USH2A: variants seen among roughly 807,000 people sequenced by gnomAD.
USH2A encodes the protein usherin.
A neutral mutation model predicts 538.9 loss-of-function variants in USH2A; 443 were observed. The ratio of observed to expected loss-of-function variants is 0.82; its 90% CI spans 0.76 to 0.89. USH2A has a LOEUF of 0.89. USH2A is among the 40% of genes least tolerant of loss of function. The pLI is 0.00. For synonymous variants in USH2A, 2,413 were observed against 2,273.5 expected, an observed-to-expected ratio of 1.06 and a Z score of -1.75; for missense variants, 6,633 against 6,324.8, an observed-to-expected ratio of 1.05 and a Z score of -1.65.
chr1:216,014,381 C>T (rs1668655492), intron 32 of USH2A, among the ~76,000 whole-genome samples: 1 of 152,130 alleles, frequency 6.6e-6, no homozygotes, highest in South Asian at 2.1e-4. Flanking sequence ...ACAAAGCCAC[C>T]AATTTGAAAT....
intron 70 of USH2A, among the ~76,000 whole-genome samples, chr1:215,633,849 C>T (rs576950901): frequency 6.6e-6 from 1 of 152,246 alleles, no homozygotes; most frequent in South Asian, 2.1e-4. Flanking sequence ...TCCTGTAATA[C>T]CAAGTGATGG....
chr1:215,627,421 C>CTTCCTTCCTTCCTTCTTTCCTTCCTTCT (rs1656076861), intron 71 of USH2A, among the ~76,000 whole-genome samples: 31 of 116,628 alleles, frequency 2.7e-4, no homozygotes, highest in South Asian at 3.8e-4. Context: ...TCCTTCCTTC[C>CTTCCTTCCTTCCTTCTTTCCTTCCTTCT]TTCCTTCCTT....
At position 216,327,613 on chromosome 1, in the gene USH2A, A is replaced by G; in HGVS notation, c.826T>C (p.Tyr276His). Residue 276 changes from tyrosine to histidine, a missense_variant, in exon 5 of 72, where the codon TAC (tyrosine) becomes CAC (histidine). By Grantham distance (83) the Tyr-to-His change is moderately conservative. Transcript: ENST00000307340. ...TACCTGTTTGTAAGTGCCACTTGGT[A>G]TAATCGAAAATCTTGCATTCTTCCG... ...FVGRMQDFRL[Y>H]QVALTNREIL... 6.2e-7 allele frequency: 1 copy of G among 1,613,270 alleles called. No individual in the cohort carries two copies. Among genetic ancestry groups the G allele is most frequent in the Non-Finnish European group, 8.5e-7 (1 of 1,179,502 alleles).
chr1:215,641,431 A>G (rs1235916315), intron 67 of USH2A, among the ~76,000 whole-genome samples: 1 of 152,222 alleles, frequency 6.6e-6, no homozygotes, highest in African/African-American at 2.4e-5. Flanking sequence ...TATCACATAT[A>G]GAAGCAACTT....
At chr1:215,627,461 CTTCCTTCCTTCCTTCCTTCCTTCT>C (rs1656091423) in intron 71 of USH2A, among the ~76,000 whole-genome samples, 35 of 133,244 alleles carry the variant, frequency 2.6e-4, no homozygotes, top group Non-Finnish European at 4.2e-4. Flanking sequence ...TCCTTCCTTC[CTTCCTTCCTTCCTTCCTTCCTTCT>C]TTCCTTCCTT....
chr1:215,751,364 T>C (rs2255781), intron 58 of USH2A, among the ~76,000 whole-genome samples: 97,671 of 152,030 alleles, frequency 0.64, 34,494 homozygotes, highest in Middle Eastern at 0.81. Flanking sequence ...AGTATTTCTA[T>C]ATTGTACGTT....
At chr1:215,688,018 T>C (rs548713793) in intron 61 of USH2A, among the ~76,000 whole-genome samples, 18 of 152,020 alleles carry the variant, frequency 1.2e-4, no homozygotes, top group Non-Finnish European at 2.2e-4. Context: ...TGTGGTAAAT[T>C]ATGAAGGGAA....
At chr1:216,333,565 T>C (rs2037910355) in intron 4 of USH2A, among the ~76,000 whole-genome samples, 1 of 151,942 alleles carries the variant, frequency 6.6e-6, no homozygotes. Flanking sequence ...ACCAAAAACT[T>C]CCAAAATTTG....
At chr1:216,174,759 A>C in intron 21 of USH2A, 1 of 995,990 alleles carries the variant, frequency 1.0e-6, no homozygotes, top group South Asian at 4.4e-5. Context: ...AAAAAGAAGA[A>C]GGAAACAGCA....
At chr1:216,338,748 T>A (rs1175538664) in intron 4 of USH2A, among the ~76,000 whole-genome samples, 4 of 151,532 alleles carry the variant, frequency 2.6e-5, no homozygotes, top group Non-Finnish European at 4.4e-5. Context: ...GAACAAGCAA[T>A]TCACAGAGGC....
intron 30 of USH2A, among the ~76,000 whole-genome samples, chr1:216,053,827 T>C (rs1368876089): frequency 6.6e-6 from 1 of 152,264 alleles, no homozygotes; most frequent in East Asian, 1.9e-4. Flanking sequence ...AGTAAGTAGA[T>C]TCCCTTTGAA....
intron 64 of USH2A, among the ~76,000 whole-genome samples, chr1:215,663,511 G>A (rs770456897): frequency 2.0e-5 from 3 of 152,148 alleles, no homozygotes; most frequent in South Asian, 2.1e-4. Context: ...ACTTGTTCCC[G>A]TGGTTGGTGT....
In USH2A at chr1:215,920,877, C is replaced by T. The variant is rs557574341; in HGVS notation, c.7300+13739G>A. ...CTGCTTTCTTATGGCCCAGAGGTCA[C>T]GCATGGTCATTTTGTGGCCATTCCA... On this transcript the variant is annotated intron_variant, in intron 38 of 71. Coordinates refer to ENST00000307340, the MANE Select transcript of USH2A (RefSeq NM_206933.4). Among the ~76,000 whole-genome samples the T allele has an allele frequency of 2.1e-3, 313 of 152,148 alleles. 1 individual carries two copies. Among genetic ancestry groups the T allele is most frequent in the Non-Finnish European group, 2.8e-3 (187 of 67,984 alleles).
chr1:215,792,635 A>G (rs1662012342), intron 50 of USH2A, among the ~76,000 whole-genome samples: 1 of 152,090 alleles, frequency 6.6e-6, no homozygotes, highest in Non-Finnish European at 1.5e-5. Flanking sequence ...ACTTAGGGAG[A>G]GCAGATGTTG....
chr1:216,019,081 T>C (rs1410197068), intron 32 of USH2A, among the ~76,000 whole-genome samples: 1 of 152,216 alleles, frequency 6.6e-6, no homozygotes, highest in Non-Finnish European at 1.5e-5. Context: ...ACAATTTAAA[T>C]CTTTATGCAG....
At chr1:216,267,926 G>A (rs561064295) in intron 11 of USH2A, among the ~76,000 whole-genome samples, 65 of 152,066 alleles carry the variant, frequency 4.3e-4, no homozygotes, top group Non-Finnish European at 5.6e-4. Context: ...TTTTTCTAGC[G>A]TTCCTTAGCT....
At chr1:215,627,033 G>A (rs1170140840) in intron 71 of USH2A, among the ~76,000 whole-genome samples, 1 of 152,118 alleles carries the variant, frequency 6.6e-6, no homozygotes, top group East Asian at 1.9e-4. Flanking sequence ...ACATCAAACA[G>A]CCTGTGATTT....
At chr1:216,131,759 C>T (rs2033380651) in intron 21 of USH2A, among the ~76,000 whole-genome samples, 1 of 152,046 alleles carries the variant, frequency 6.6e-6, no homozygotes, top group South Asian at 2.1e-4. Context: ...TCATTCTTCA[C>T]TTATTATCTT....
At chr1:215,982,425 T>C (rs1667771678) in intron 35 of USH2A, among the ~76,000 whole-genome samples, 1 of 152,176 alleles carries the variant, frequency 6.6e-6, no homozygotes, top group Non-Finnish European at 1.5e-5. Context: ...TGTGCTGCAC[T>C]TCTCTTGTAA....
Sources: gnomAD v4.1 joint callset for allele counts (sites outside exome capture counted in the v4.1 genomes callset) on GRCh38, gnomAD v4.1.1 for gene constraint, MANE v1.5 for transcripts, NCBI Gene and HGNC (gene_info 2026-07-23, HGNC 2026-07-21) for gene names.